The following GNB1L variants were observed in gnomAD, a reference collection of about 807,000 sequenced individuals.
GNB1L encodes the protein G protein subunit beta 1 like, also known as guanine nucleotide-binding protein subunit beta-like protein 1.
Under a neutral mutation model 29.1 loss-of-function variants are expected in GNB1L, and 20 were observed. That is an observed-to-expected ratio of 0.69 (90% CI 0.48 to 1.00). The LOEUF (loss-of-function observed/expected upper bound fraction) is 1.00. Ranked by LOEUF, GNB1L falls within the 50% of genes least tolerant of loss-of-function variation. The probability of loss-of-function intolerance (pLI) is 0.00; values close to 1 mark genes in which losing one functional copy is unlikely to be tolerated. For missense variants in GNB1L, 421 were observed against 464.9 expected (o/e 0.91, Z 0.87); for synonymous variants, 193 against 206.5 (o/e 0.93, Z 0.56).
At chr22:19,834,943 C>T (rs2145891993) in intron 2 of GNB1L, among the ~76,000 whole-genome samples, 1 of 152,144 alleles carries the variant, frequency 6.6e-6, no homozygotes, top group East Asian at 1.9e-4. Context: ...AAAAGATATG[C>T]TATACAAATA....
At position 19,806,737 on chromosome 22, in the gene GNB1L, G is replaced by C. The variant is rs1337858574; in HGVS notation, c.438C>G (p.Pro146=). Residue 146 remains proline (P), a synonymous_variant, in exon 6 of 8, where the codon CCC becomes CCG. Transcript: ENST00000329517. ...GSDEVQILEM[P]SKTSVCALKP... ...TCAGGGCGCACACTGACGTCTTGGA[G>C]GGCATCTCCAGAATCTGAACCTGAC... 1.2e-6 allele frequency: 2 copies of C among 1,612,972 alleles called. No individual in the cohort carries two copies. Among genetic ancestry groups the C allele is most frequent in the Non-Finnish European group, 1.7e-6 (2 of 1,179,280 alleles).
chr22:19,848,500 C>CTGTCTGGA, intron 2 of GNB1L: 1 of 985,510 alleles, frequency 1.0e-6, no homozygotes, highest in East Asian at 1.1e-4. Flanking sequence ...TGTGCACTGC[C>CTGTCTGGA]TGTCTGGAAG....
intron 7 of GNB1L, among the ~76,000 whole-genome samples, chr22:19,789,573 G>A (rs1937228979): frequency 6.6e-6 from 1 of 151,952 alleles, no homozygotes; most frequent in Non-Finnish European, 1.5e-5. Flanking sequence ...TTGCCTGGTG[G>A]GGGCAACGTC....
At chr22:19,851,696 T>C in intron 2 of GNB1L, 1 of 1,601,146 alleles carries the variant, frequency 6.2e-7, no homozygotes, top group Non-Finnish European at 8.5e-7. Context: ...AACCACAGCA[T>C]GGTACTCAGC....
intron 2 of GNB1L, chr22:19,852,552 A>T: frequency 2.5e-6 from 1 of 394,974 alleles, no homozygotes; most frequent in Non-Finnish European, 4.6e-6. Flanking sequence ...GACTGGTGGG[A>T]AGAGGCTACA....
chr22:19,796,189 G>GA (rs1569038603), intron 7 of GNB1L, among the ~76,000 whole-genome samples: 1 of 152,212 alleles, frequency 6.6e-6, no homozygotes, highest in African/African-American at 2.4e-5. Flanking sequence ...ATGAAGAAAA[G>GA]ACCTCATTCA....
At chr22:19,813,062 A>C (rs1937512676) in intron 4 of GNB1L, among the ~76,000 whole-genome samples, 1 of 152,198 alleles carries the variant, frequency 6.6e-6, no homozygotes, top group African/African-American at 2.4e-5. Flanking sequence ...AGATGTGACG[A>C]AGAGGCACAG....
At position 19,806,879 on chromosome 22, in the gene GNB1L, T is replaced by A; in HGVS notation, c.418-122A>T. 4.0e-6 allele frequency: 3 copies of A among 755,106 alleles called. No homozygotes were observed. In the South Asian group the frequency reaches 4.5e-5, roughly 11 times the overall value. The allele number at this position is 755,106 out of a possible 1,614,324, so 46.8% of individuals were successfully genotyped here. A position where few individuals can be genotyped will look rare whatever the true frequency, so the allele number is the denominator to read the frequency against. ...GAGTTTCTGTCTGCTCCCCTCCCCG[T>A]GGGCACCTGGGAGCCCAGGCTCCTA... On this transcript the variant is annotated intron_variant, in intron 5 of 7. Coordinates refer to ENST00000329517, the MANE Select transcript of GNB1L (RefSeq NM_053004.3).
chr22:19,802,159 G>C lies in GNB1L; in HGVS notation c.574C>G (p.Leu192Val). ...ACCTTCTGCTCAGAGACGTCCCACA[G>C]GACCACCGATCCATCCTCATAGCCG... ...LAGYEDGSVV[L>V]WDVSEQKVCS... Residue 192 changes from leucine to valine, a missense_variant, in exon 7 of 8, where the codon CTG becomes GTG. By Grantham distance (32) the Leu-to-Val change is conservative (BLOSUM62 1). Transcript: ENST00000329517. 6.2e-7 allele frequency: 1 copy of C among 1,613,146 alleles called. No individual in the cohort carries two copies. The highest frequency in any genetic ancestry group is 1.1e-5 in the South Asian group (1 of 91,080).
chr22:19,852,489 G>A, intron 2 of GNB1L: 1 of 562,292 alleles, frequency 1.8e-6, no homozygotes, highest in East Asian at 3.0e-5. Flanking sequence ...GAGGCAATCT[G>A]TCCAAAGACA....
At chr22:19,814,751 ACT>A (rs1937518558) in intron 4 of GNB1L, among the ~76,000 whole-genome samples, 1 of 152,148 alleles carries the variant, frequency 6.6e-6, no homozygotes, top group African/African-American at 2.4e-5. Context: ...CTGGGCGGTA[ACT>A]CTTCAAAAGT....
At chr22:19,851,244 C>A in intron 2 of GNB1L, 8 of 1,605,150 alleles carry the variant, frequency 5.0e-6, no homozygotes, top group Non-Finnish European at 6.8e-6. Flanking sequence ...CCTAAGGACA[C>A]CTCCTGGTCT....
rs551976265 is a variant in GNB1L at position 19,842,350 on chromosome 22, C to T, written c.-21+12093G>A. On this transcript the variant is annotated intron_variant, in intron 2 of 7. Transcript: ENST00000329517. ...GAAACTGAGGTCTAGATACACCCTT[C>T]CCCATCTCTGAAATGCAGGGAGATC... Among the ~76,000 whole-genome samples the T allele has an allele frequency of 2.0e-5, 3 of 152,372 alleles. No individual in the cohort carries two copies. The South Asian group carries it at 6.2e-4, about 32-fold the overall frequency.
intron 2 of GNB1L, chr22:19,850,912 C>T: frequency 1.5e-6 from 2 of 1,362,062 alleles, no homozygotes; most frequent in Non-Finnish European, 1.9e-6. Context: ...GGTGAGACGG[C>T]ACTCCCAGAA....
intron 2 of GNB1L, chr22:19,850,207 G>A (rs1386394355): frequency 2.0e-6 from 2 of 985,590 alleles, no homozygotes; most frequent in African/African-American, 1.7e-5. Flanking sequence ...ACAAAGACTT[G>A]CTGGTAGGCA....
rs527841666 is a variant in GNB1L at position 19,787,133 on chromosome 22, T to C, written c.*1576A>G. ...AGGACTCCGGGCCCCCCAGCAACCA[T>C]GTTCCTCACAGTGGGGTTGGGGAGG... is the stretch of plus-strand genomic sequence containing the variant. On this transcript the variant is annotated 3_prime_UTR_variant, in exon 8 of 8. Transcript: ENST00000329517. The C allele has an allele frequency of 2.0e-5, 3 of 152,442 alleles. No individual in the cohort carries two copies. Among genetic ancestry groups the C allele is most frequent in the Admixed American group, 6.5e-5 (1 of 15,302 alleles). 9.4% of individuals were successfully genotyped at this position (152,442 alleles called of 1,614,324 possible). A position where few individuals can be genotyped will look rare whatever the true frequency, so the allele number is the denominator to read the frequency against.
intron 2 of GNB1L, among the ~76,000 whole-genome samples, chr22:19,845,658 C>A (rs899203753): frequency 3.9e-5 from 6 of 152,216 alleles, no homozygotes; most frequent in Non-Finnish European, 7.3e-5. Context: ...CAGCCCCTAC[C>A]CACCGTGTCC....
At chr22:19,806,898 G>C in intron 5 of GNB1L, 141 bp from the exon 6 acceptor site, 1 of 712,644 alleles carries the variant, frequency 1.4e-6, no homozygotes, top group South Asian at 1.5e-5. Context: ...GGGAGCCCAG[G>C]CTCCTAATTA....
chr22:19,799,717 C>T (rs772994415), intron 7 of GNB1L, among the ~76,000 whole-genome samples: 5 of 152,190 alleles, frequency 3.3e-5, no homozygotes, highest in Admixed American at 2.6e-4. Flanking sequence ...ACAGTGCAGG[C>T]GGTGGGTGAG....
Sources: gnomAD v4.1 joint callset for allele counts (sites outside exome capture counted in the v4.1 genomes callset) on GRCh38, gnomAD v4.1.1 for gene constraint, MANE v1.5 for transcripts, NCBI Gene and HGNC (gene_info 2026-07-23, HGNC 2026-07-21) for gene names.